The following KLHL29 variants were observed in gnomAD, a reference collection of about 807,000 sequenced individuals.
KLHL29 encodes kelch-like protein 29.
In KLHL29, 21 loss-of-function variants were observed where a neutral mutation model predicts 80.4. The ratio of observed to expected loss-of-function variants is 0.26; its 90% CI spans 0.19 to 0.38. The LOEUF is 0.38. Ranked by LOEUF, KLHL29 falls within the 10% of genes least tolerant of loss-of-function variation. KLHL29 has a pLI of 1.00. For missense variants in KLHL29, 867 were observed against 1,223.9 expected (o/e 0.71, Z 4.35); for synonymous variants, 511 against 526.8 (o/e 0.97, Z 0.41).
intron 3 of KLHL29, among the ~76,000 whole-genome samples, chr2:23,578,201 G>A (rs1044370142): frequency 5.3e-5 from 8 of 152,154 alleles, no homozygotes; most frequent in African/African-American, 1.4e-4. Flanking sequence ...ACCGTCAGTC[G>A]CTTAGCCAAC....
intron 1 of KLHL29, among the ~76,000 whole-genome samples, chr2:23,396,084 G>T (rs1012005935): frequency 3.3e-5 from 5 of 152,252 alleles, no homozygotes; most frequent in South Asian, 2.1e-4. Flanking sequence ...ATTGGGTCTA[G>T]AATCCCTCAT....
intron 1 of KLHL29, among the ~76,000 whole-genome samples, chr2:23,433,901 A>G (rs1416464046): frequency 2.6e-5 from 4 of 152,140 alleles, no homozygotes; most frequent in African/African-American, 9.7e-5. Flanking sequence ...CCTGGGCAAT[A>G]GAGCAAGACC....
At chr2:23,437,062 C>T (rs1218771156) in intron 1 of KLHL29, among the ~76,000 whole-genome samples, 1 of 152,182 alleles carries the variant, frequency 6.6e-6, no homozygotes, top group African/African-American at 2.4e-5. Flanking sequence ...TAATCATTCC[C>T]CTTTGCTAGG....
At chr2:23,579,817 C>T (rs1024416891) in intron 3 of KLHL29, among the ~76,000 whole-genome samples, 2 of 152,216 alleles carry the variant, frequency 1.3e-5, no homozygotes, top group East Asian at 1.9e-4. Context: ...TCTGCACCCC[C>T]GCCCCCATGG....
chr2:23,586,245 C>G (rs1668114587), intron 3 of KLHL29, among the ~76,000 whole-genome samples: 1 of 152,006 alleles, frequency 6.6e-6, no homozygotes, highest in Admixed American at 6.6e-5. Flanking sequence ...TTGTACATTC[C>G]TAAGGCTGTG....
At chr2:23,531,104 C>T (rs1666476815) in intron 2 of KLHL29, among the ~76,000 whole-genome samples, 1 of 152,244 alleles carries the variant, frequency 6.6e-6, no homozygotes, top group Non-Finnish European at 1.5e-5. Flanking sequence ...AGGGGGTAAG[C>T]TGGGACTGTA....
chr2:23,617,009 T>C (rs1028607071), intron 3 of KLHL29: 1 of 152,260 alleles, frequency 6.6e-6, no homozygotes, highest in Non-Finnish European at 1.5e-5. Context: ...AGTTGTAAGC[T>C]GGTGAAATAG....
intron 2 of KLHL29, among the ~76,000 whole-genome samples, chr2:23,504,205 C>CA (rs977188989): frequency 7.3e-5 from 11 of 151,626 alleles, no homozygotes; most frequent in Middle Eastern, 3.4e-3. Context: ...TGTGCTCAAG[C>CA]AAAAAAAATT....
chr2:23,501,179 C>T (rs1423978661), intron 2 of KLHL29, among the ~76,000 whole-genome samples: 2 of 152,070 alleles, frequency 1.3e-5, no homozygotes, highest in Non-Finnish European at 2.9e-5. Context: ...TCAGAAATCC[C>T]CAACTCTTCC....
chr2:23,519,740 A>C (rs1400793088), intron 2 of KLHL29, among the ~76,000 whole-genome samples: 1 of 152,194 alleles, frequency 6.6e-6, no homozygotes, highest in Non-Finnish European at 1.5e-5. Flanking sequence ...ACATCAATCA[A>C]TATATGTAAG....
intron 1 of KLHL29, among the ~76,000 whole-genome samples, chr2:23,434,922 C>T (rs1405506585): frequency 1.3e-5 from 2 of 152,130 alleles, no homozygotes; most frequent in African/African-American, 4.8e-5. Context: ...TTACCACCTG[C>T]CAGAGGGAGG....
At chr2:23,683,908 G>A (rs1418756827) in intron 5 of KLHL29, among the ~76,000 whole-genome samples, 1 of 152,154 alleles carries the variant, frequency 6.6e-6, no homozygotes, top group African/African-American at 2.4e-5. Context: ...CTAACATAAG[G>A]GACGCTGTTT....
At chr2:23,654,358 G>A (rs1283544354) in intron 5 of KLHL29, among the ~76,000 whole-genome samples, 2 of 152,020 alleles carry the variant, frequency 1.3e-5, no homozygotes, top group African/African-American at 2.4e-5. Context: ...GACCTCACAC[G>A]CCCCTCAGTT....
intron 5 of KLHL29, chr2:23,668,970 A>G: frequency 6.6e-6 from 1 of 152,300 alleles, no homozygotes; most frequent in Admixed American, 6.5e-5. Flanking sequence ...GTTATTCATC[A>G]CCGAGGCTGA....
Position 23,559,573 on chromosome 2 carries a change from G to A in KLHL29, c.-45-2579G>A, listed in dbSNP as rs566140428. Among the ~76,000 whole-genome samples the A allele has an allele frequency of 1.3e-3, 195 of 152,226 alleles. 1 individual carries two copies. Among genetic ancestry groups the A allele is most frequent in the African/African-American group, 4.6e-3 (189 of 41,530 alleles). ...AATCTAAGACCTGGCTGTCGAACAG[G>A]GGAATGGAGATGAGGAGATAGAGGC... On this transcript the variant is annotated intron_variant, in intron 2 of 13. Coordinates refer to ENST00000486442, the MANE Select transcript of KLHL29 (RefSeq NM_052920.2).
Position 23,527,607 on chromosome 2 carries a change from C to T in KLHL29, c.-45-34545C>T, listed in dbSNP as rs1364662300. ...GCTAGAGCCTTTCTCAGCGAAGAGT[C>T]GGCTTGGTCTTGACAGCACGGTGAA... On this transcript the variant is annotated intron_variant, in intron 2 of 13. Coordinates refer to ENST00000486442, the MANE Select transcript of KLHL29 (RefSeq NM_052920.2). Among the ~76,000 whole-genome samples, 6 of 152,340 alleles carry T rather than the reference C, an allele frequency of 3.9e-5. 1 individual carries two copies. Among genetic ancestry groups the T allele is most frequent in the Admixed American group, 3.3e-4 (5 of 15,294 alleles).
chr2:23,706,641 A>C lies in KLHL29; in HGVS notation c.2605A>C (p.Lys869Gln). ...GTTCAGACACGGCTGCGTCGTGATAAAGAAATATATTCAAAGCGGCTGACA... is the reference window on the plus strand; with the variant it reads ...GTTCAGACACGGCTGCGTCGTGATACAGAAATATATTCAAAGCGGCTGACA... The part of the protein sequence containing the change: ...PVFRHGCVVI[K>Q]KYIQSG The change falls in exon 14 of 14, where the codon AAG (lysine) becomes CAG (glutamine). Residue 869 changes from lysine (K) to glutamine (Q), a missense_variant. By Grantham distance (53) the Lys-to-Gln change is moderately conservative. Around this residue, in one of 2 missense-constraint regions of KLHL29, gnomAD observed 443 missense variants for 767.0 expected, o/e 0.58. Coordinates refer to ENST00000486442, the MANE Select transcript of KLHL29 (RefSeq NM_052920.2). 1 of 1,532,346 alleles carries C rather than the reference A, an allele frequency of 6.5e-7. No individual in the cohort carries two copies. The allele number at this position is 1,532,346 out of a possible 1,614,324, so 94.9% of individuals were successfully genotyped here.
chr2:23,386,589 T>C (rs926151547), intron 1 of KLHL29, among the ~76,000 whole-genome samples: 7 of 151,750 alleles, frequency 4.6e-5, no homozygotes, highest in African/African-American at 1.7e-4. Flanking sequence ...AGATGTGTAG[T>C]GTGGGAGTGT....
At chr2:23,602,061 A>C (rs1472881959) in intron 3 of KLHL29, among the ~76,000 whole-genome samples, 1 of 152,168 alleles carries the variant, frequency 6.6e-6, no homozygotes, top group African/African-American at 2.4e-5. Flanking sequence ...GAAACTCACG[A>C]AGGGGCAGGG....
Sources: gnomAD v4.1 joint callset for allele counts (sites outside exome capture counted in the v4.1 genomes callset) on GRCh38, gnomAD v4.1.1 for gene constraint, gnomAD v4.1.1 regional missense constraint, MANE v1.5 for transcripts, NCBI Gene and HGNC (gene_info 2026-07-23, HGNC 2026-07-21) for gene names.